FEZ1: variants seen among roughly 807,000 people sequenced by gnomAD.
FEZ1 encodes the protein fasciculation and elongation protein zeta-1.
In FEZ1, 20 loss-of-function variants were observed where a neutral mutation model predicts 49.3. That is an observed-to-expected ratio of 0.41 (90% CI 0.29 to 0.59). FEZ1 has a LOEUF of 0.59. Among genes scored for constraint, FEZ1 ranks in the 20% least tolerant of loss-of-function variants. FEZ1 has a pLI of 0.36. For synonymous variants in FEZ1, 170 were observed against 180.9 expected, an observed-to-expected ratio of 0.94 and a Z score of 0.48; for missense variants, 413 against 476.0, an observed-to-expected ratio of 0.87 and a Z score of 1.23.
intron 7 of FEZ1, chr11:125,453,506 C>T (rs1257642428): frequency 1.3e-5 from 2 of 152,228 alleles, no homozygotes; most frequent in Non-Finnish European, 2.9e-5. Context: ...CCATCTCAAA[C>T]TTTCTGTTCA....
At position 125,463,518 on chromosome 11, in the gene FEZ1, C is replaced by T. The variant is rs1444648646; in HGVS notation, c.464G>A (p.Gly155Asp). 2 of 1,610,848 alleles carry T rather than the reference C, an allele frequency of 1.2e-6. No homozygotes were observed. Among genetic ancestry groups the T allele is most frequent in the Non-Finnish European group, 1.7e-6 (2 of 1,177,124 alleles). The change falls in exon 4 of 10, where the codon GGT becomes GAT. Residue 155 changes from glycine (G) to aspartate (D), a missense_variant. By Grantham distance (94) the Gly-to-Asp change is moderately conservative. Coordinates refer to ENST00000278919, the MANE Select transcript of FEZ1 (RefSeq NM_005103.5). ...TGTGAGCAGAGGCTCCTCGTTGATA[C>T]CGGAATCATTTTCACTCTTCTCATT... ...EFNEKSENDSGINEEPLLTAD... is the reference protein window; with the variant it reads ...EFNEKSENDSDINEEPLLTAD...
chr11:125,461,734 G>A (rs1957077172), intron 4 of FEZ1, among the ~76,000 whole-genome samples: 2 of 152,198 alleles, frequency 1.3e-5, no homozygotes, highest in Non-Finnish European at 2.9e-5. Context: ...TGTTCTCCAT[G>A]GATGGACTAA....
intron 5 of FEZ1, 107 bp from the exon 6 acceptor site, chr11:125,456,213 G>T: frequency 9.2e-7 from 1 of 1,087,190 alleles, no homozygotes; most frequent in Non-Finnish European, 1.3e-6. Flanking sequence ...CCTCAGAGGA[G>T]ATCCCTTCCA....
At chr11:125,486,938 A>T (rs1957330348) in intron 2 of FEZ1, among the ~76,000 whole-genome samples, 1 of 152,180 alleles carries the variant, frequency 6.6e-6, no homozygotes, top group Admixed American at 6.5e-5. Context: ...AATGCCTAGA[A>T]AGTGTTGTGT....
At chr11:125,449,328 C>T (rs943662838) in intron 8 of FEZ1, among the ~76,000 whole-genome samples, 1 of 145,466 alleles carries the variant, frequency 6.9e-6, no homozygotes, top group Non-Finnish European at 1.5e-5. Context: ...GATCATGCCA[C>T]TGCACTCCAA....
chr11:125,455,792 G>T (rs1240966843), intron 6 of FEZ1, 43 bp downstream of exon 6: 1 of 1,606,810 alleles, frequency 6.2e-7, no homozygotes, highest in Non-Finnish European at 8.5e-7. Flanking sequence ...GGGCAGGGTT[G>T]GAGGTTGGAG....
At chr11:125,487,947 T>C (rs1957341193) in intron 2 of FEZ1, among the ~76,000 whole-genome samples, 1 of 152,212 alleles carries the variant, frequency 6.6e-6, no homozygotes, top group Non-Finnish European at 1.5e-5. Context: ...GACGTGCCTC[T>C]TACCCCATTA....
intron 2 of FEZ1, among the ~76,000 whole-genome samples, chr11:125,484,053 C>CT (rs1957306745): frequency 6.6e-6 from 1 of 152,156 alleles, no homozygotes; most frequent in Non-Finnish European, 1.5e-5. Flanking sequence ...TGCTGACATA[C>CT]TTTTTATCCT....
chr11:125,460,780 C>T, intron 4 of FEZ1, 114 bp from the exon 5 acceptor site: 2 of 866,322 alleles, frequency 2.3e-6, no homozygotes, highest in Non-Finnish European at 1.8e-6. Context: ...ATTTCTAAAG[C>T]AATATTGTTT....
chr11:125,458,279 G>A (rs1034458548), intron 5 of FEZ1, among the ~76,000 whole-genome samples: 1 of 152,166 alleles, frequency 6.6e-6, no homozygotes, highest in Non-Finnish European at 1.5e-5. Context: ...CCCATGGGTG[G>A]ATCAACTCCT....
chr11:125,465,709 T>C (rs987773893), intron 3 of FEZ1, among the ~76,000 whole-genome samples: 7 of 152,154 alleles, frequency 4.6e-5, no homozygotes, highest in Non-Finnish European at 7.3e-5. Flanking sequence ...TCCCTCTATG[T>C]GCGGGTTACC....
intron 3 of FEZ1, among the ~76,000 whole-genome samples, chr11:125,477,015 A>G (rs1818456912): frequency 6.6e-6 from 1 of 152,202 alleles, no homozygotes; most frequent in Non-Finnish European, 1.5e-5. Flanking sequence ...GAATGACCAG[A>G]CCAGTTTGTA....
At chr11:125,469,975 AAAGTGCT>A (rs1957169550) in intron 3 of FEZ1, among the ~76,000 whole-genome samples, 1 of 152,056 alleles carries the variant, frequency 6.6e-6, no homozygotes, top group African/African-American at 2.4e-5. Flanking sequence ...TTGTCCTCCC[AAAGTGCT>A]AGGATTATAG....
In FEZ1 at chr11:125,443,291, T is replaced by C. The variant is rs943904506; in HGVS notation, c.*2804A>G. On this transcript the variant is annotated 3_prime_UTR_variant, in exon 10 of 10. Coordinates refer to ENST00000278919, the MANE Select transcript of FEZ1 (RefSeq NM_005103.5). Reference sequence around the variant, plus strand: ...TCTTGGGACTCTTCTGTGAGGTTTCTACAATCCAGAAAGACCAGAAGAGGG... The same window carrying C: ...TCTTGGGACTCTTCTGTGAGGTTTCCACAATCCAGAAAGACCAGAAGAGGG... Among the ~76,000 whole-genome samples, 1 of 152,130 alleles carries C rather than the reference T, an allele frequency of 6.6e-6. No homozygotes were observed. The highest frequency in any genetic ancestry group is 2.4e-5 in the African/African-American group (1 of 41,430).
chr11:125,463,640 G>A, intron 3 of FEZ1, 70 bp from the exon 4 acceptor site: 1 of 912,772 alleles, frequency 1.1e-6, no homozygotes, highest in Non-Finnish European at 1.8e-6. Flanking sequence ...CTAGTCTCGA[G>A]AATGGATGAT....
At chr11:125,449,441 A>AT in intron 8 of FEZ1, among the ~76,000 whole-genome samples, 1 of 128,270 alleles carries the variant, frequency 7.8e-6, no homozygotes, top group South Asian at 2.7e-4. Flanking sequence ...AAAAAAAAAA[A>AT]AAGAAGAAGA....
chr11:125,467,491 G>C (rs370631723), intron 3 of FEZ1, among the ~76,000 whole-genome samples: 3 of 152,322 alleles, frequency 2.0e-5, no homozygotes. Flanking sequence ...AGAGGACTGA[G>C]AGCAGTACTA....
At chr11:125,448,089 G>A (rs1956914428) in intron 9 of FEZ1, among the ~76,000 whole-genome samples, 1 of 152,180 alleles carries the variant, frequency 6.6e-6, no homozygotes, top group East Asian at 1.9e-4. Flanking sequence ...CTCTACTCTT[G>A]TATGTACAAC....
rs1957008475 is a variant in FEZ1 at position 125,456,094 on chromosome 11, A to G, written c.680T>C (p.Met227Thr). The change falls in exon 6 of 10, where the codon ATG becomes ACG. Residue 227 changes from methionine to threonine, a missense_variant. Coordinates refer to ENST00000278919, the MANE Select transcript of FEZ1 (RefSeq NM_005103.5). ...CAGCTCGGTCAGCTCAGACCCAGAC[A>G]TGTGCCTCAGCCCTGCAGGGGAAGA... ...NNWSYEGLRH[M>T]SGSELTELLD... The G allele has an allele frequency of 6.3e-7, 1 of 1,597,800 alleles. No individual in the cohort carries two copies. The highest frequency in any genetic ancestry group is 1.7e-5 in the Admixed American group (1 of 58,410).
Sources: gnomAD v4.1 joint callset for allele counts (sites outside exome capture counted in the v4.1 genomes callset) on GRCh38, gnomAD v4.1.1 for gene constraint, MANE v1.5 for transcripts, NCBI Gene and HGNC (gene_info 2026-07-23, HGNC 2026-07-21) for gene names.